Variants in MUC7 observed in about 807,000 individuals in gnomAD.
MUC7 encodes mucin 7, secreted.
MUC7 carries 2 observed loss-of-function variants against 2.5 expected under a neutral mutation model. That is an observed-to-expected ratio of 0.81 (90% CI 0.33 to 2.55). The LOEUF (loss-of-function observed/expected upper bound fraction) is 2.55, where lower values mean the gene tolerates loss of function less well. MUC7 is among the 30% of genes most tolerant of loss of function. The pLI is 0.11. For synonymous variants in MUC7, 133 were observed against 173.4 expected (o/e 0.77, Z 1.83); for missense variants, 408 against 455.6 (o/e 0.90, Z 0.95).
At chr4:70,459,160 T>G (rs1463247050) in intron 1 of MUC7, among the ~76,000 whole-genome samples, 1 of 152,206 alleles carries the variant, frequency 6.6e-6, no homozygotes, top group Non-Finnish European at 1.5e-5. Context: ...GCATTATATT[T>G]ACATTTAATA....
At chr4:70,444,182 C>T (rs760759007) in intron 1 of MUC7, among the ~76,000 whole-genome samples, 3 of 152,222 alleles carry the variant, frequency 2.0e-5, no homozygotes, top group Non-Finnish European at 4.4e-5. Flanking sequence ...AGATGAGATT[C>T]CTGTCAGCTC....
rs546797043 is a variant in MUC7, at chr4:70,431,990, A to G, written c.-93+1303A>G. Among the ~76,000 whole-genome samples, 70 of 152,264 alleles carry G rather than the reference A, an allele frequency of 4.6e-4. 1 individual carries two copies. The highest frequency in any genetic ancestry group is 3.4e-3 in the Middle Eastern group (1 of 294). ...TCAATTCCCACCTATGAGTAAGAAC[A>G]TGCAGTGTTTGGTTTTTTGTCCTCA... On this transcript the variant is annotated intron_variant, in intron 1 of 3. Coordinates refer to the MUC7 transcript ENST00000413702.
chr4:70,453,119 C>A (rs2109717190), intron 1 of MUC7, among the ~76,000 whole-genome samples: 1 of 152,332 alleles, frequency 6.6e-6, no homozygotes, highest in Middle Eastern at 3.4e-3. Context: ...GCTCTAACCT[C>A]TCCCTTGCTA....
intron 1 of MUC7, among the ~76,000 whole-genome samples, chr4:70,436,479 G>A (rs760617625): frequency 5.9e-5 from 9 of 151,310 alleles, no homozygotes; most frequent in Admixed American, 2.0e-4. Context: ...CCCTTCCTTC[G>A]CTTGATAAAA....
Position 70,481,901 on chromosome 4 carries a change from T to A in MUC7, c.*23T>A. 1 of 1,600,542 alleles carries A rather than the reference T, an allele frequency of 6.2e-7. No homozygotes were observed. The highest frequency in any genetic ancestry group is 8.5e-7 in the Non-Finnish European group (1 of 1,173,050). Reference sequence around the variant, plus strand: ...TAGTATATTGTATGTTGTAAAGTGTTCTGTCATTTACAAGATGTGATTCAT... The same window carrying A: ...TAGTATATTGTATGTTGTAAAGTGTACTGTCATTTACAAGATGTGATTCAT... On this transcript the variant is annotated 3_prime_UTR_variant, in exon 3 of 3. Transcript: ENST00000304887.
chr4:70,439,408 T>A (rs1227296421), intron 1 of MUC7, among the ~76,000 whole-genome samples: 1 of 152,090 alleles, frequency 6.6e-6, no homozygotes, highest in Non-Finnish European at 1.5e-5. Flanking sequence ...AGCAGGGGAT[T>A]TGGTGCCCGA....
Position 70,482,088 on chromosome 4 carries a change from G to A in MUC7, c.*210G>A, listed in dbSNP as rs527464083. The A allele has an allele frequency of 3.2e-6, 2 of 619,270 alleles. No homozygotes were observed. The highest frequency in any genetic ancestry group is 6.0e-5 in the East Asian group (2 of 33,516). The allele number at this position is 619,270 out of a possible 1,614,324, so 38.4% of individuals were successfully genotyped here. On this transcript the variant is annotated 3_prime_UTR_variant, in exon 3 of 3. Coordinates refer to ENST00000304887, the MANE Select transcript of MUC7 (RefSeq NM_152291.3). The stretch of plus-strand genomic sequence containing the variant: ...ATCCCACAAGCCAGATGCAGGTCTG[G>A]GGTTCAAAATAACTCTTTGGATCCT...
intron 1 of MUC7, among the ~76,000 whole-genome samples, chr4:70,445,011 G>A (rs1158790426): frequency 6.6e-6 from 1 of 152,116 alleles, no homozygotes; most frequent in African/African-American, 2.4e-5. Context: ...ACTCCAGCCT[G>A]GGTGACAGAG....
rs765808038 is a variant in MUC7, at chr4:70,480,901, G to A, written c.157G>A (p.Ala53Thr). ...ATTACCACATTATCCTGGACTGCTAGCTCACCAGAAGCCGTTCATTAGAAA... is the reference window on the plus strand; with the variant it reads ...ATTACCACATTATCCTGGACTGCTAACTCACCAGAAGCCGTTCATTAGAAA... The part of the protein sequence containing the change: ...FELPHYPGLL[A>T]HQKPFIRKSY... The change falls in exon 3 of 3, where the codon GCT becomes ACT. Residue 53 changes from alanine (A) to threonine (T), a missense_variant. Ala to Thr is a moderately conservative substitution (Grantham distance 58). Coordinates refer to ENST00000304887, the MANE Select transcript of MUC7 (RefSeq NM_152291.3). 1 of 1,614,148 alleles carries A rather than the reference G, an allele frequency of 6.2e-7. No individual in the cohort carries two copies. Among genetic ancestry groups the A allele is most frequent in the South Asian group, 1.1e-5 (1 of 91,080 alleles).
chr4:70,480,552 T>C (rs1735134180), intron 2 of MUC7, among the ~76,000 whole-genome samples: 1 of 152,174 alleles, frequency 6.6e-6, no homozygotes, highest in Admixed American at 6.5e-5. Flanking sequence ...GCATTCAAGC[T>C]AGAACCCACA....
At chr4:70,448,355 A>G (rs926541276) in intron 1 of MUC7, among the ~76,000 whole-genome samples, 1 of 152,102 alleles carries the variant, frequency 6.6e-6, no homozygotes, top group African/African-American at 2.4e-5. Context: ...CATTTGAGGG[A>G]CCTCCAAACT....
At chr4:70,467,290 G>A (rs1049937251), upstream of MUC7, among the ~76,000 whole-genome samples, 6 of 152,138 alleles carry the variant, frequency 3.9e-5, no homozygotes, top group Non-Finnish European at 7.4e-5. Flanking sequence ...AGCACTAAAT[G>A]CCCACAAGAG....
intron 1 of MUC7, among the ~76,000 whole-genome samples, chr4:70,455,484 A>G (rs1184810478): frequency 6.6e-6 from 1 of 152,130 alleles, no homozygotes; most frequent in Non-Finnish European, 1.5e-5. Context: ...AAATGTTTCA[A>G]TATTATCACC....
chr4:70,479,961 C>T (rs1426469760), intron 2 of MUC7, among the ~76,000 whole-genome samples: 1 of 152,118 alleles, frequency 6.6e-6, no homozygotes, highest in Non-Finnish European at 1.5e-5. Context: ...GTAGTGAGTT[C>T]CTAATCAGAA....
chr4:70,454,988 G>A (rs1734378274), intron 1 of MUC7, among the ~76,000 whole-genome samples: 1 of 151,982 alleles, frequency 6.6e-6, no homozygotes, highest in South Asian at 2.1e-4. Flanking sequence ...TATAGATAAG[G>A]CAAATGAGAC....
intron 1 of MUC7, among the ~76,000 whole-genome samples, chr4:70,465,367 C>T (rs1355505800): frequency 6.6e-6 from 1 of 152,056 alleles, no homozygotes; most frequent in Non-Finnish European, 1.5e-5. Flanking sequence ...CAACTCCTTG[C>T]CAGCAAGGGA....
chr4:70,468,208 C>G (rs1195198856), upstream of MUC7, among the ~76,000 whole-genome samples: 2 of 152,116 alleles, frequency 1.3e-5, no homozygotes, highest in African/African-American at 4.8e-5. Flanking sequence ...ATTAAACACC[C>G]CTTCATGCTA....
intron 1 of MUC7, among the ~76,000 whole-genome samples, chr4:70,435,499 GT>G (rs1197293863): frequency 6.6e-6 from 1 of 152,174 alleles, no homozygotes; most frequent in African/African-American, 2.4e-5. Flanking sequence ...TTTAAAGTCT[GT>G]TTTATCAGAG....
rs41382646 is a variant in MUC7 at position 70,480,825 on chromosome 4, T to C, written c.81T>C (p.His27=). 3,791 of 1,613,912 alleles carry C rather than the reference T, an allele frequency of 2.3e-3. 90 individuals are homozygous for C. The African/African-American group carries it at 0.045, about 19-fold the overall frequency. ...FSFSEGRERD[H]ELRHRRHHHQ... is the part of the protein sequence containing the mutation. ...TCAGTGAAGGTCGAGAAAGGGATCA[T>C]GAACTACGTCACAGAAGGCATCATC... The change falls in exon 3 of 3, where the codon CAT becomes CAC. Residue 27 remains histidine (H), a synonymous_variant. Transcript: ENST00000304887.
Sources: allele counts gnomAD v4.1 joint callset (sites outside exome capture counted in the v4.1 genomes callset), GRCh38; gene constraint gnomAD v4.1.1; transcripts MANE v1.5; gene names NCBI Gene and HGNC (gene_info 2026-07-23, HGNC 2026-07-21).